MCF2L: variants seen among roughly 807,000 people sequenced by gnomAD.
The protein encoded by MCF2L is guanine nucleotide exchange factor DBS.
Under a neutral mutation model 153.4 loss-of-function variants are expected in MCF2L, and 97 were observed. The ratio of observed to expected loss-of-function variants is 0.63; its 90% CI spans 0.54 to 0.75. The LOEUF (loss-of-function observed/expected upper bound fraction) is 0.75, where lower values mean the gene tolerates loss of function less well. Ranked by LOEUF, MCF2L falls within the 30% of genes least tolerant of loss-of-function variation. The pLI is 0.00. For synonymous variants in MCF2L, 659 were observed against 632.2 expected, an observed-to-expected ratio of 1.04 and a Z score of -0.64; for missense variants, 1,347 against 1,495.2, an observed-to-expected ratio of 0.90 and a Z score of 1.64.
At position 113,098,594 on chromosome 13, in the gene MCF2L, G is replaced by A. The variant is rs2035807443; in HGVS notation, c.*1735G>A. On this transcript the variant is annotated 3_prime_UTR_variant, in exon 30 of 30. Coordinates refer to ENST00000535094, the MANE Select transcript of MCF2L (RefSeq NM_001112732.3). The stretch of plus-strand genomic sequence containing the variant: ...GACACAGAACGTCTCAGCAGTCGGG[G>A]TTTCCAGGGCCGCAGTGCACTGTGC... 1 of 152,294 alleles carries A rather than the reference G, an allele frequency of 6.6e-6. No homozygotes were observed. The highest frequency in any genetic ancestry group is 1.9e-4 in the East Asian group (1 of 5,206). 9.4% of individuals were successfully genotyped at this position (152,294 alleles called of 1,614,324 possible).
At chr13:112,901,546 T>C (rs1044457739) in intron 1 of MCF2L, among the ~76,000 whole-genome samples, 3 of 152,200 alleles carry the variant, frequency 2.0e-5, no homozygotes, top group African/African-American at 7.2e-5. Flanking sequence ...ATAAATGTGC[T>C]GAAAGACAGC....
At chr13:113,024,910 A>G in intron 3 of MCF2L, 152 bp downstream of exon 3, 2 of 636,564 alleles carry the variant, frequency 3.1e-6, no homozygotes, top group Non-Finnish European at 5.7e-6. Flanking sequence ...GTCGGGGCAG[A>G]GTCCCTGTGA....
chr13:112,894,907 T>TCCG, intron 1 of MCF2L, among the ~76,000 whole-genome samples: 1 of 100,690 alleles, frequency 9.9e-6, no homozygotes, highest in African/African-American at 3.3e-5. Context: ...TAGCCTGGGG[T>TCCG]CCGGCTGGGG....
chr13:112,947,473 C>T (rs757004819), intron 2 of MCF2L, among the ~76,000 whole-genome samples: 8 of 152,224 alleles, frequency 5.3e-5, no homozygotes, highest in East Asian at 1.9e-4. Flanking sequence ...CCTGTGAAAT[C>T]GCACAAGTTC....
At chr13:112,917,264 G>A (rs2081303676) in intron 2 of MCF2L, 4 of 448,946 alleles carry the variant, frequency 8.9e-6, no homozygotes, top group South Asian at 3.3e-5. Flanking sequence ...CCAGAGCCGC[G>A]TCATCCACTG....
chr13:113,082,244 C>T (rs2034212856), intron 16 of MCF2L, among the ~76,000 whole-genome samples, 183 bp from the exon 17 acceptor site: 4 of 152,224 alleles, frequency 2.6e-5, no homozygotes, highest in African/African-American at 9.6e-5. Flanking sequence ...CCCCATTCCC[C>T]CAAATTGGTG....
At chr13:112,991,162 C>T (rs9549624) in intron 1 of MCF2L, among the ~76,000 whole-genome samples, 73,080 of 152,136 alleles carry the variant, frequency 0.48, 19,679 homozygotes, top group Non-Finnish European at 0.61. Flanking sequence ...GGCCACAGCA[C>T]TGCCCTCACT....
rs1055246769 is a variant in MCF2L at position 113,054,517 on chromosome 13, G to A, written c.370-6076G>A. On this transcript the variant is annotated intron_variant, in intron 4 of 29. Transcript: ENST00000535094. The surrounding 1 kb of genome is among the most constrained non-coding windows in gnomAD (Gnocchi z 5.2). ...CGTCTTCTTCATCTGTTAACACAGA[G>A]ACACAAACAAACTTTCAAATGCATA... The A allele has an allele frequency of 6.2e-6, 1 of 161,260 alleles. No homozygotes were observed. Among genetic ancestry groups the A allele is most frequent in the African/African-American group, 2.4e-5 (1 of 41,454 alleles). 10.0% of individuals were successfully genotyped at this position (161,260 alleles called of 1,614,324 possible). A position where few individuals can be genotyped will look rare whatever the true frequency, so the allele number is the denominator to read the frequency against.
chr13:113,095,590 C>A, intron 27 of MCF2L: 1 of 996,548 alleles, frequency 1.0e-6, no homozygotes, highest in Non-Finnish European at 1.2e-6. Context: ...GCAGCCCAGT[C>A]ACCGTCCTCT....
rs369943277 is a variant in MCF2L at position 113,088,351 on chromosome 13, G to T, written c.2713G>T (p.Ala905Ser). Residue 905 changes from alanine (A) to serine (S), a missense_variant, in exon 24 of 30, where the codon GCG becomes TCG. Coordinates refer to ENST00000535094, the MANE Select transcript of MCF2L (RefSeq NM_001112732.3). ...VQAPTPEIKA[A>S]WVNEIRKVLT... is the part of the protein sequence containing the mutation. ...GGCGCCAACTCCTGAGATTAAAGCC[G>T]CGTGGGTGAATGAAATTCGGAAAGT... 5 of 1,613,926 alleles carry T rather than the reference G, an allele frequency of 3.1e-6. No homozygotes were observed. The East Asian group carries it at 6.7e-5, about 22-fold the overall frequency.
At chr13:112,962,781 C>T (rs1018389974) in intron 2 of MCF2L, among the ~76,000 whole-genome samples, 5 of 152,180 alleles carry the variant, frequency 3.3e-5, no homozygotes, top group Non-Finnish European at 5.9e-5. Flanking sequence ...CCGTGTGCAC[C>T]GGCTCTGCCC....
At chr13:112,962,300 C>A (rs2081841033) in intron 2 of MCF2L, among the ~76,000 whole-genome samples, 1 of 152,208 alleles carries the variant, frequency 6.6e-6, no homozygotes, top group African/African-American at 2.4e-5. Context: ...CATGTACACA[C>A]ACTCAGGCAC....
At chr13:112,966,404 T>A (rs958857773), upstream of MCF2L, among the ~76,000 whole-genome samples, 1 of 152,182 alleles carries the variant, frequency 6.6e-6, no homozygotes, top group African/African-American at 2.4e-5. This position sits in a 1 kb window ranked among gnomAD's most constrained non-coding sequence, Gnocchi z 4.1. Context: ...TCTGTCTTTT[T>A]CTCTCAAGCC....
chr13:112,896,270 C>T lies in MCF2L; in HGVS notation c.-5+1839C>T, dbSNP rs1315269947. ...TTCTCTGGAATTCAGGTCTCTTCAC[C>T]GCCCCCCCGAGGCCTCCTCCTGAGG... On this transcript the variant is annotated intron_variant, in intron 1 of 29. Coordinates refer to the MCF2L transcript ENST00000375608. Among the ~76,000 whole-genome samples the T allele has an allele frequency of 6.6e-5, 10 of 151,992 alleles. No individual in the cohort carries two copies. In the South Asian group the frequency reaches 1.5e-3, roughly 22 times the overall value.
chr13:113,059,652 G>A (rs909190000), intron 4 of MCF2L, among the ~76,000 whole-genome samples: 13 of 152,132 alleles, frequency 8.5e-5, no homozygotes, highest in Admixed American at 6.5e-4. Context: ...TCCACTGAAC[G>A]CCACGCACGC....
rs1377686538 is a variant in MCF2L at position 113,070,661 on chromosome 13, G to A, written c.996+488G>A. Among the ~76,000 whole-genome samples, 6 of 151,996 alleles carry A rather than the reference G, an allele frequency of 3.9e-5. No individual in the cohort carries two copies. Among genetic ancestry groups the A allele is most frequent in the Non-Finnish European group, 7.4e-5 (5 of 68,022 alleles). The stretch of plus-strand genomic sequence containing the variant: ...CCCCGGCAACCACTCATCTGTTTCC[G>A]TGGCTGTGCTTTTGCCATTTCAAGA... On this transcript the variant is annotated intron_variant, in intron 9 of 29. Coordinates refer to ENST00000535094, the MANE Select transcript of MCF2L (RefSeq NM_001112732.3). This position sits in a 1 kb window ranked among gnomAD's most constrained non-coding sequence, Gnocchi z 5.6.
At chr13:113,076,958 G>T (rs1379950979) in intron 12 of MCF2L, 94 bp from the exon 13 acceptor site, 13 of 1,362,274 alleles carry the variant, frequency 9.5e-6, no homozygotes, top group African/African-American at 1.4e-5. Context: ...TAAAGCGGGG[G>T]TTGGGCGTGC....
chr13:112,970,983 G>A (rs1395078045), intron 1 of MCF2L, among the ~76,000 whole-genome samples: 3 of 152,112 alleles, frequency 2.0e-5, no homozygotes, highest in Non-Finnish European at 2.9e-5. Flanking sequence ...AGATATCCTC[G>A]GTTATGAGCA....
intron 2 of MCF2L, among the ~76,000 whole-genome samples, chr13:112,916,648 A>G (rs1205817130): frequency 6.6e-6 from 1 of 152,164 alleles, no homozygotes; most frequent in African/African-American, 2.4e-5. Flanking sequence ...AGCATAGCTC[A>G]GTATAGCTGC....
Sources: allele counts gnomAD v4.1 joint callset (sites outside exome capture counted in the v4.1 genomes callset), GRCh38; gene constraint gnomAD v4.1.1; non-coding constraint Gnocchi (gnomAD v3.1); transcripts MANE v1.5; gene names NCBI Gene and HGNC (gene_info 2026-07-23, HGNC 2026-07-21).